The following DCC variants were observed in gnomAD, a reference collection of about 807,000 sequenced individuals.
DCC encodes DCC netrin 1 receptor, also known as netrin receptor DCC.
DCC carries 58 observed loss-of-function variants against 172.5 expected under a neutral mutation model. The ratio of observed to expected loss-of-function variants is 0.34; its 90% confidence interval spans 0.27 to 0.42. The LOEUF (loss-of-function observed/expected upper bound fraction) is 0.42, where lower values mean the gene tolerates loss of function less well. Ranked by LOEUF, DCC falls within the 10% of genes least tolerant of loss-of-function variation. The pLI, the probability that DCC is intolerant of heterozygous loss-of-function variation, is 1.00. For missense variants in DCC, 1,740 were observed against 1,791.0 expected (o/e 0.97, Z 0.51); for synonymous variants, 709 against 644.5 (o/e 1.10, Z -1.52).
intron 13 of DCC, among the ~76,000 whole-genome samples, chr18:53,320,954 A>G (rs867506179): frequency 6.6e-6 from 1 of 152,176 alleles, no homozygotes; most frequent in Non-Finnish European, 1.5e-5. Context: ...GAATTTATCA[A>G]ATGGTCTAAT....
chr18:52,780,172 AT>A (rs1458766750), intron 2 of DCC, among the ~76,000 whole-genome samples: 1 of 152,084 alleles, frequency 6.6e-6, no homozygotes, highest in Non-Finnish European at 1.5e-5. Context: ...TTTACATAGT[AT>A]TTTTAGTTGA....
intron 1 of DCC, among the ~76,000 whole-genome samples, chr18:52,495,676 G>A (rs1369509992): frequency 6.6e-6 from 1 of 152,012 alleles, no homozygotes; most frequent in Non-Finnish European, 1.5e-5. Context: ...TCATCTTAAG[G>A]GTGTTTGTCT....
At chr18:52,603,439 G>C (rs80004226) in intron 1 of DCC, among the ~76,000 whole-genome samples, 1 of 151,676 alleles carries the variant, frequency 6.6e-6, no homozygotes, top group Non-Finnish European at 1.5e-5. Flanking sequence ...AAGAAAAGGA[G>C]AATAGGAAAA....
chr18:52,857,318 T>C (rs370581935), intron 2 of DCC, among the ~76,000 whole-genome samples: 1 of 152,224 alleles, frequency 6.6e-6, no homozygotes, highest in African/African-American at 2.4e-5. Flanking sequence ...AGAGTAGCAT[T>C]AATGAGCTCA....
At chr18:52,951,470 TCTC>T (rs983196645) in intron 5 of DCC, among the ~76,000 whole-genome samples, 24 of 152,158 alleles carry the variant, frequency 1.6e-4, no homozygotes, top group Admixed American at 1.2e-3. Flanking sequence ...TGTGTGATAT[TCTC>T]CTCCCTGTGT....
At chr18:52,380,826 A>G (rs1985555026) in intron 1 of DCC, among the ~76,000 whole-genome samples, 1 of 152,140 alleles carries the variant, frequency 6.6e-6, no homozygotes, top group Admixed American at 6.6e-5. Flanking sequence ...TCACCTGGCC[A>G]TATGGGGCTG....
intron 8 of DCC, among the ~76,000 whole-genome samples, chr18:53,173,594 A>G (rs945339713): frequency 2.6e-5 from 4 of 152,154 alleles, no homozygotes; most frequent in Non-Finnish European, 4.4e-5. Context: ...GTCATTACAT[A>G]ATGGTAAAGG....
At chr18:52,364,034 G>C (rs1357832978) in intron 1 of DCC, among the ~76,000 whole-genome samples, 2 of 152,174 alleles carry the variant, frequency 1.3e-5, no homozygotes, top group Non-Finnish European at 2.9e-5. Flanking sequence ...CACCTAAGCA[G>C]GTTGGTGTTC....
At chr18:53,172,453 C>A (rs1365369767) in intron 8 of DCC, among the ~76,000 whole-genome samples, 5 of 151,994 alleles carry the variant, frequency 3.3e-5, no homozygotes, top group African/African-American at 2.4e-5. Flanking sequence ...TCACATGTAC[C>A]CCAGAATCTA....
At chr18:52,560,754 G>T in intron 1 of DCC, among the ~76,000 whole-genome samples, 1 of 152,148 alleles carries the variant, frequency 6.6e-6, no homozygotes, top group East Asian at 1.9e-4. Context: ...CTGCCCTAGA[G>T]ATGTTTGTAT....
intron 2 of DCC, among the ~76,000 whole-genome samples, chr18:52,883,489 T>G (rs973583000): frequency 5.3e-5 from 8 of 151,806 alleles, no homozygotes; most frequent in African/African-American, 1.7e-4. Flanking sequence ...TATTTTTCAA[T>G]TTGAGGTTAC....
At chr18:53,189,454 A>AT (rs1308111577) in intron 9 of DCC, among the ~76,000 whole-genome samples, 1 of 151,568 alleles carries the variant, frequency 6.6e-6, no homozygotes, top group African/African-American at 2.4e-5. Flanking sequence ...GTGTATATAT[A>AT]TATAATTGTA....
At chr18:53,139,538 A>T (rs538810428) in intron 7 of DCC, among the ~76,000 whole-genome samples, 1 of 152,194 alleles carries the variant, frequency 6.6e-6, no homozygotes, top group East Asian at 1.9e-4. Context: ...TATCTTGAAT[A>T]CCTTTTTTGT....
At chr18:52,631,179 C>T (rs2034667540) in intron 1 of DCC, among the ~76,000 whole-genome samples, 1 of 152,136 alleles carries the variant, frequency 6.6e-6, no homozygotes, top group South Asian at 2.1e-4. Context: ...GTTTGGGACA[C>T]TTTTTTCTAC....
intron 1 of DCC, among the ~76,000 whole-genome samples, chr18:52,492,040 C>T (rs528930807): frequency 7.2e-5 from 11 of 151,864 alleles, no homozygotes; most frequent in South Asian, 4.2e-4. Context: ...TCAAGGGCCA[C>T]GGATATAGCA....
intron 5 of DCC, among the ~76,000 whole-genome samples, chr18:52,986,729 C>T (rs1001489683): frequency 6.6e-5 from 10 of 151,674 alleles, no homozygotes; most frequent in Non-Finnish European, 1.2e-4. Flanking sequence ...TATATATATA[C>T]ACACACACAT....
At chr18:52,426,994 G>A (rs573503039) in intron 1 of DCC, among the ~76,000 whole-genome samples, 5 of 152,016 alleles carry the variant, frequency 3.3e-5, no homozygotes, top group Non-Finnish European at 5.9e-5. Context: ...TTTTTAATTT[G>A]CATTTTTATA....
chr18:53,246,847 G>A (rs563418706), intron 12 of DCC, among the ~76,000 whole-genome samples: 2 of 152,184 alleles, frequency 1.3e-5, no homozygotes, highest in East Asian at 3.9e-4. Flanking sequence ...AGTAGCAGAT[G>A]GAACAGTTGC....
chr18:53,126,321 C>G (rs762089306), intron 7 of DCC, among the ~76,000 whole-genome samples: 3 of 152,124 alleles, frequency 2.0e-5, no homozygotes, highest in Non-Finnish European at 2.9e-5. Flanking sequence ...CAAAACATTT[C>G]TATAATGCCT....
Sources: allele counts gnomAD v4.1 joint callset (sites outside exome capture counted in the v4.1 genomes callset), GRCh38; gene constraint gnomAD v4.1.1; transcripts MANE v1.5; gene names NCBI Gene and HGNC (gene_info 2026-07-23, HGNC 2026-07-21).